Variants in NPLOC4 observed in about 807,000 individuals in gnomAD.
NPLOC4 encodes the protein nuclear protein localization protein 4 homolog.
In NPLOC4, 18 loss-of-function variants were observed where a neutral mutation model predicts 80.6. That is an observed-to-expected ratio of 0.22 (90% confidence interval 0.15 to 0.33). NPLOC4 has a LOEUF of 0.33. NPLOC4 is among the 10% of genes least tolerant of loss of function. NPLOC4 has a pLI of 1.00. For missense variants in NPLOC4, 540 were observed against 786.1 expected (o/e 0.69, Z 3.74); for synonymous variants, 313 against 301.5 (o/e 1.04, Z -0.39).
chr17:81,562,866 G>C (rs2033890149), intron 16 of NPLOC4: 1 of 151,806 alleles, frequency 6.6e-6, no homozygotes, highest in Non-Finnish European at 1.5e-5. Flanking sequence ...TTTGAGCCTG[G>C]GGAGGTCAAG....
chr17:81,631,037 G>A (rs1011289812), intron 1 of NPLOC4, among the ~76,000 whole-genome samples: 13 of 151,926 alleles, frequency 8.6e-5, no homozygotes, highest in Admixed American at 6.6e-4. Flanking sequence ...GCTGGGCGTG[G>A]TGGCGGGCAC....
chr17:81,571,754 C>T (rs2144058711), intron 13 of NPLOC4, among the ~76,000 whole-genome samples: 1 of 152,304 alleles, frequency 6.6e-6, no homozygotes, highest in East Asian at 1.9e-4. Flanking sequence ...AGTATGGGGA[C>T]AGTTAACCCC....
chr17:81,561,104 C>T (rs959368474), intron 16 of NPLOC4, among the ~76,000 whole-genome samples: 2 of 152,078 alleles, frequency 1.3e-5, no homozygotes, highest in Non-Finnish European at 2.9e-5. Flanking sequence ...ATTACAGGCA[C>T]GTGCCACCAC....
Position 81,597,284 on chromosome 17 carries a change from TTC to T in NPLOC4, c.952_953del (p.Glu318ArgfsTer13). On this transcript the variant is annotated frameshift_variant, in exon 10 of 17. Transcript: ENST00000331134. LOFTEE classifies it high-confidence loss of function. ...VGWIFTDLVS[E>X]DTRKGTVRYS... ...AGCGGACGGTACCCTTTCGGGTATC[TTC>T]TGAGACGAGGTCTGTAAATATCCAG... 6.2e-7 allele frequency: 1 copy of T among 1,613,618 alleles called. No homozygotes were observed. Among genetic ancestry groups the T allele is most frequent in the Non-Finnish European group, 8.5e-7 (1 of 1,179,590 alleles).
rs554435910 is a variant in NPLOC4, at chr17:81,610,546, G to A, written c.387-288C>T. Among the ~76,000 whole-genome samples, 3 of 152,214 alleles carry A rather than the reference G, an allele frequency of 2.0e-5. No individual in the cohort carries two copies. The South Asian group carries it at 6.2e-4, about 32-fold the overall frequency. On this transcript the variant is annotated intron_variant, in intron 4 of 16. Transcript: ENST00000331134. ...CACCTCAGCCTCCCCGAGTATCTGGGACTCCAGGTGTACACCACCACACCC... is the reference window on the plus strand; with the variant it reads ...CACCTCAGCCTCCCCGAGTATCTGGAACTCCAGGTGTACACCACCACACCC...
intron 10 of NPLOC4, 32 bp downstream of exon 10, chr17:81,597,213 G>A (rs778711944): frequency 1.9e-6 from 3 of 1,575,594 alleles, no homozygotes; most frequent in Non-Finnish European, 2.6e-6. Context: ...CCAAGCCATA[G>A]GGCCACACGC....
At chr17:81,590,023 G>A (rs1388732840) in intron 11 of NPLOC4, among the ~76,000 whole-genome samples, 1 of 152,170 alleles carries the variant, frequency 6.6e-6, no homozygotes, top group African/African-American at 2.4e-5. Flanking sequence ...GAGGCAGAGA[G>A]ATGGGGAAGC....
At chr17:81,571,885 G>A in intron 13 of NPLOC4, 132 bp downstream of exon 13, 1 of 495,244 alleles carries the variant, frequency 2.0e-6, no homozygotes. Context: ...GCCTGTTCTG[G>A]GGTGGGCACT....
Position 81,580,808 on chromosome 17 carries a change from T to C in NPLOC4, c.1281+8136A>G, listed in dbSNP as rs2034418015. On this transcript the variant is annotated intron_variant, in intron 12 of 16. Coordinates refer to ENST00000331134, the MANE Select transcript of NPLOC4 (RefSeq NM_017921.4). The surrounding 1 kb of genome is among the most constrained non-coding windows in gnomAD (Gnocchi z 4.4). ...TGTTCTCTAAACATGAGAGAATGGA[T>C]GCCGTGAGAGCATCGCACAGTGAAT... Among the ~76,000 whole-genome samples the C allele has an allele frequency of 6.6e-6, 1 of 152,170 alleles. No homozygotes were observed. The highest frequency in any genetic ancestry group is 6.5e-5 in the Admixed American group (1 of 15,280).
chr17:81,565,645 C>T, intron 15 of NPLOC4, 38 bp from the exon 16 acceptor site: 1 of 1,458,212 alleles, frequency 6.9e-7, no homozygotes. Context: ...CTTCGCTGTG[C>T]CTAAGGTGAG....
At position 81,572,345 on chromosome 17, in the gene NPLOC4, C is replaced by T. The variant is rs893541985; in HGVS notation, c.1282-257G>A. On this transcript the variant is annotated intron_variant, in intron 12 of 16. Transcript: ENST00000331134. This position sits in a 1 kb window ranked among gnomAD's most constrained non-coding sequence, Gnocchi z 4.5. Reference sequence around the variant, plus strand: ...CTGGGACTACAGGCGCCCGCCACCACGCCCGGCTAATTTTTTTTGTATTTT... The same window carrying T: ...CTGGGACTACAGGCGCCCGCCACCATGCCCGGCTAATTTTTTTTGTATTTT... Among the ~76,000 whole-genome samples, 3 of 151,888 alleles carry T rather than the reference C, an allele frequency of 2.0e-5. No homozygotes were observed. The highest frequency in any genetic ancestry group is 2.1e-4 in the South Asian group (1 of 4,808).
At chr17:81,627,925 G>C (rs548349785) in intron 2 of NPLOC4, among the ~76,000 whole-genome samples, 3 of 151,878 alleles carry the variant, frequency 2.0e-5, no homozygotes, top group Non-Finnish European at 4.4e-5. Context: ...GACAGAAAAA[G>C]ACTCCATCTC....
rs1220140549 is a variant in NPLOC4 at position 81,588,938 on chromosome 17, T to A, written c.1281+6A>T. 6.2e-7 allele frequency: 1 copy of A among 1,610,484 alleles called. No individual in the cohort carries two copies. The highest frequency in any genetic ancestry group is 8.5e-7 in the Non-Finnish European group (1 of 1,178,272). ...TACAGAGTTCTTTTTCTTACCATACTTTTACCTTATAAAACACATCAGGCA... is the reference window on the plus strand; with the variant it reads ...TACAGAGTTCTTTTTCTTACCATACATTTACCTTATAAAACACATCAGGCA... On this transcript the variant is annotated splice_donor_region_variant and intron_variant, in intron 12 of 16. Transcript: ENST00000331134.
At chr17:81,583,502 G>T (rs1473346682) in intron 12 of NPLOC4, among the ~76,000 whole-genome samples, 1 of 152,232 alleles carries the variant, frequency 6.6e-6, no homozygotes, top group African/African-American at 2.4e-5. Context: ...CAAGAAAGGT[G>T]AAAGAGAAAA....
intron 7 of NPLOC4, 58 bp from the exon 8 acceptor site, chr17:81,604,785 T>C: frequency 7.0e-7 from 1 of 1,435,802 alleles, no homozygotes; most frequent in Non-Finnish European, 9.6e-7. Context: ...AAATCACTTG[T>C]TTTTCTAACA....
At chr17:81,624,774 C>T (rs961240303) in intron 2 of NPLOC4, among the ~76,000 whole-genome samples, 9 of 152,150 alleles carry the variant, frequency 5.9e-5, no homozygotes, top group South Asian at 2.1e-4. Context: ...GCCCACCCAG[C>T]GGTGGGTAAG....
chr17:81,602,218 T>TCAAAA (rs1341868130), intron 8 of NPLOC4, among the ~76,000 whole-genome samples: 4 of 151,952 alleles, frequency 2.6e-5, no homozygotes, highest in Admixed American at 1.3e-4. Flanking sequence ...AGACCTTGTT[T>TCAAAA]CAAAACAAAA....
At chr17:81,618,928 A>T (rs1806587351) in intron 3 of NPLOC4, among the ~76,000 whole-genome samples, 1 of 152,124 alleles carries the variant, frequency 6.6e-6, no homozygotes, top group Non-Finnish European at 1.5e-5. Context: ...TCTCTGAAAC[A>T]TGTGCTGTGT....
chr17:81,589,814 A>G (rs1473410501), intron 11 of NPLOC4, among the ~76,000 whole-genome samples: 2 of 151,746 alleles, frequency 1.3e-5, no homozygotes, highest in African/African-American at 4.8e-5. Flanking sequence ...TCTGGGCAAC[A>G]TAGTGAGACC....
Sources: gnomAD v4.1 joint callset for allele counts (sites outside exome capture counted in the v4.1 genomes callset) on GRCh38, gnomAD v4.1.1 for gene constraint, Gnocchi (gnomAD v3.1) non-coding constraint, MANE v1.5 for transcripts, NCBI Gene and HGNC (gene_info 2026-07-23, HGNC 2026-07-21) for gene names.